Variants in LRRC36 observed in about 807,000 individuals in gnomAD.
LRRC36 encodes the protein leucine rich repeat containing 36.
A neutral mutation model predicts 81.1 loss-of-function variants in LRRC36; 62 were observed. The observed-to-expected ratio is 0.76, with a 90% CI of 0.62 to 0.94. The LOEUF (loss-of-function observed/expected upper bound fraction) is 0.94. LRRC36 is among the 40% of genes least tolerant of loss of function. The pLI is 0.00. For missense variants in LRRC36, 761 were observed against 881.7 expected (o/e 0.86, Z 1.73); for synonymous variants, 334 against 348.6 (o/e 0.96, Z 0.47).
chr16:67,385,124 T>TC lies in LRRC36; in HGVS notation c.*37dup. 1 of 1,547,084 alleles carries TC rather than the reference T, an allele frequency of 6.5e-7. No individual in the cohort carries two copies. Among genetic ancestry groups the TC allele is most frequent in the Non-Finnish European group, 8.9e-7 (1 of 1,122,586 alleles). The stretch of plus-strand genomic sequence containing the variant: ...GGAACTCACACCACAGCTTCCCTGG[T>TC]CCACAGAGGCTCTCACCGCCATTGC... On this transcript the variant is annotated 3_prime_UTR_variant, in exon 14 of 14. Transcript: ENST00000329956.
chr16:67,339,358 G>C (rs967232258), intron 1 of LRRC36, among the ~76,000 whole-genome samples: 20 of 151,860 alleles, frequency 1.3e-4, no homozygotes, highest in African/African-American at 1.9e-4. Flanking sequence ...CATGTCTCAG[G>C]GACCTCCAGG....
At chr16:67,382,293 T>C in intron 13 of LRRC36, 46 bp downstream of exon 13, 1 of 1,286,290 alleles carries the variant, frequency 7.8e-7, no homozygotes, top group Non-Finnish European at 1.1e-6. Context: ...AGATATTTAC[T>C]CCTTTTATCT....
intron 5 of LRRC36, among the ~76,000 whole-genome samples, chr16:67,350,831 G>A (rs2038593983): frequency 6.6e-6 from 1 of 152,186 alleles, no homozygotes; most frequent in Non-Finnish European, 1.5e-5. Flanking sequence ...CTGAGGTTGC[G>A]AGTTTAAGAC....
intron 1 of LRRC36, among the ~76,000 whole-genome samples, chr16:67,333,083 G>A (rs1255398317): frequency 6.6e-6 from 1 of 151,680 alleles, no homozygotes; most frequent in Non-Finnish European, 1.5e-5. Flanking sequence ...GTAGAGATGG[G>A]TGCATTTTAA....
rs763300902 is a variant in LRRC36, at chr16:67,371,169, G to A, written c.1421G>A (p.Gly474Glu). The change falls in exon 9 of 14, where the codon GGA becomes GAA. Residue 474 changes from glycine to glutamate, a missense_variant. Physicochemically the swap from Gly to Glu is moderately conservative, Grantham distance 98. Transcript: ENST00000329956. ...AGGTCACTAAGCCCATCGAAGAGAG[G>A]ATTCAAATGGAAGGACAATATCCTT... ...TKRSLSPSKR[G>E]FKWKDNILAN... The A allele has an allele frequency of 3.1e-6, 5 of 1,614,178 alleles. No individual in the cohort carries two copies. The highest frequency in any genetic ancestry group is 2.5e-6 in the Non-Finnish European group (3 of 1,180,022).
chr16:67,341,798 G>C (rs906015625), intron 1 of LRRC36, among the ~76,000 whole-genome samples, 159 bp from the exon 2 acceptor site: 4 of 152,116 alleles, frequency 2.6e-5, no homozygotes, highest in Admixed American at 2.6e-4. Flanking sequence ...CACTATATTA[G>C]ACCATACTGC....
chr16:67,368,658 A>G (rs943087477), intron 8 of LRRC36, among the ~76,000 whole-genome samples: 54 of 152,354 alleles, frequency 3.5e-4, no homozygotes, highest in African/African-American at 1.2e-3. Flanking sequence ...CAAGGGAGTG[A>G]TGTGATCTCA....
intron 1 of LRRC36, among the ~76,000 whole-genome samples, chr16:67,337,246 G>T (rs1157169722): frequency 6.6e-6 from 1 of 152,016 alleles, no homozygotes; most frequent in Admixed American, 6.6e-5. Flanking sequence ...AATTCTTTTG[G>T]ATATATACCC....
chr16:67,361,655 C>T (rs1250016033), intron 5 of LRRC36, among the ~76,000 whole-genome samples: 1 of 152,118 alleles, frequency 6.6e-6, no homozygotes, highest in East Asian at 1.9e-4. Flanking sequence ...TCACAGCAAC[C>T]TCTGCTTCCC....
At position 67,350,290 on chromosome 16, in the gene LRRC36, G is replaced by A. The variant is rs2038563296; in HGVS notation, c.577G>A (p.Asp193Asn). 6.2e-7 allele frequency: 1 copy of A among 1,608,748 alleles called. No homozygotes were observed. The highest frequency in any genetic ancestry group is 8.5e-7 in the Non-Finnish European group (1 of 1,176,746). Residue 193 changes from aspartate to asparagine, a missense_variant and splice_region_variant, in exon 5 of 14, where the codon GAC (aspartate) becomes AAC (asparagine). By Grantham distance (23) the Asp-to-Asn change is conservative. Coordinates refer to ENST00000329956, the MANE Select transcript of LRRC36 (RefSeq NM_018296.6). ...TAATGTTGACAGCAGGATTGAAATG[G>A]GTAAGTTTTCTCCCTGTGATTATAA... ...SANVDSRIEM[D>N]SNKGLFIPFP...
rs71145966 is a variant in LRRC36, at chr16:67,331,069, A to AAGAGAGAGAGAGAG, written c.70+4169_70+4182dup. ...GTGCATGTGTGAGATGTGAGAGAGA[A>AAGAGAGAGAGAGAG]AGAGAGAGAGAGAGAGAGAGAGAGA... On this transcript the variant is annotated intron_variant, in intron 1 of 13. Coordinates refer to ENST00000329956, the MANE Select transcript of LRRC36 (RefSeq NM_018296.6). Among the ~76,000 whole-genome samples, 351 of 118,612 alleles carry AAGAGAGAGAGAGAG rather than the reference A, an allele frequency of 3.0e-3. 9 individuals carry two copies. The highest frequency in any genetic ancestry group is 0.012 in the African/African-American group (332 of 27,950). 77.8% of individuals were successfully genotyped at this position (118,612 alleles called of 152,430 possible). A position where few individuals can be genotyped will look rare whatever the true frequency, so the allele number is the denominator to read the frequency against.
chr16:67,346,690 G>T (rs369004434), intron 3 of LRRC36, among the ~76,000 whole-genome samples: 2 of 152,010 alleles, frequency 1.3e-5, no homozygotes, highest in East Asian at 1.9e-4. Flanking sequence ...TGGTTTCACC[G>T]CCCCTTCCTC....
intron 6 of LRRC36, among the ~76,000 whole-genome samples, chr16:67,364,042 C>T (rs920590939): frequency 1.3e-5 from 2 of 152,202 alleles, no homozygotes; most frequent in East Asian, 1.9e-4. Context: ...TCCCCTCTAT[C>T]CAATATCTCC....
At chr16:67,367,738 A>T (rs1481441921) in intron 8 of LRRC36, among the ~76,000 whole-genome samples, 4 of 152,168 alleles carry the variant, frequency 2.6e-5, no homozygotes, top group African/African-American at 9.7e-5. Flanking sequence ...AGTCACTTCT[A>T]TTCTGACTTA....
intron 7 of LRRC36, 43 bp from the exon 8 acceptor site, chr16:67,366,974 G>T (rs374281272): frequency 3.3e-6 from 5 of 1,501,332 alleles, no homozygotes; most frequent in Non-Finnish European, 4.5e-6. Context: ...AGGCCACAAA[G>T]AATTCTTATC....
In LRRC36 at chr16:67,367,070, AC is replaced by A. The variant is rs1486948895; in HGVS notation, c.809del (p.Thr270IlefsTer23). The stretch of plus-strand genomic sequence containing the variant: ...CACAGTCCGATCCCCAGAGAAGATG[AC>A]TAGAGAAGGGTACCAAGTATCTTTT... ...QSTVRSPEKM[T>X]REGYQVSFLD... On this transcript the variant is annotated frameshift_variant, in exon 8 of 14. Coordinates refer to ENST00000329956, the MANE Select transcript of LRRC36 (RefSeq NM_018296.6). LOFTEE classifies it high-confidence loss of function. 1.2e-6 allele frequency: 2 copies of A among 1,614,028 alleles called. No individual in the cohort carries two copies. Among genetic ancestry groups the A allele is most frequent in the Non-Finnish European group, 1.7e-6 (2 of 1,180,012 alleles).
In LRRC36 at chr16:67,382,035, G is replaced by T. The variant is rs1187492226; in HGVS notation, c.1931-98G>T. 9 of 784,540 alleles carry T rather than the reference G, an allele frequency of 1.1e-5. No homozygotes were observed. In the Admixed American group the frequency reaches 2.1e-4, roughly 18 times the overall value. The allele number at this position is 784,540 out of a possible 1,614,324, so 48.6% of individuals were successfully genotyped here. On this transcript the variant is annotated intron_variant, in intron 12 of 13. Coordinates refer to ENST00000329956, the MANE Select transcript of LRRC36 (RefSeq NM_018296.6). Reference sequence around the variant, plus strand: ...GGAGTGTGAAGTTGGGTGCCATGGGGCCCCCAGTTCTCAAGATGTCCATCT... The same window carrying T: ...GGAGTGTGAAGTTGGGTGCCATGGGTCCCCCAGTTCTCAAGATGTCCATCT...
intron 5 of LRRC36, among the ~76,000 whole-genome samples, chr16:67,356,939 T>C (rs747452513): frequency 1.3e-4 from 20 of 152,204 alleles, no homozygotes; most frequent in Non-Finnish European, 2.5e-4. Context: ...TCTTTACTAA[T>C]TATGTTCATT....
chr16:67,371,615 T>C (rs2039645540), intron 9 of LRRC36: 1 of 299,174 alleles, frequency 3.3e-6, no homozygotes, highest in South Asian at 3.2e-5. Context: ...CGCATGCCTG[T>C]AATCCCAGCA....
Sources: gnomAD v4.1 joint callset for allele counts (sites outside exome capture counted in the v4.1 genomes callset) on GRCh38, gnomAD v4.1.1 for gene constraint, MANE v1.5 for transcripts, NCBI Gene and HGNC (gene_info 2026-07-23, HGNC 2026-07-21) for gene names.